The following ZNF385D variants were observed in gnomAD, a reference collection of about 807,000 sequenced individuals.
ZNF385D encodes the protein zinc finger protein 659.
A neutral mutation model predicts 35.8 loss-of-function variants in ZNF385D; 15 were observed. That is an observed-to-expected ratio of 0.42 (90% CI 0.28 to 0.64). ZNF385D has a LOEUF of 0.64. Ranked by LOEUF, ZNF385D falls within the 30% of genes least tolerant of loss-of-function variation. The probability of loss-of-function intolerance (pLI) is 0.23; values close to 1 mark genes in which losing one functional copy is unlikely to be tolerated. For synonymous variants in ZNF385D, 212 were observed against 186.8 expected, an observed-to-expected ratio of 1.13 and a Z score of -1.10; for missense variants, 474 against 494.6, an observed-to-expected ratio of 0.96 and a Z score of 0.39.
intron 4 of ZNF385D, among the ~76,000 whole-genome samples, chr3:21,466,986 A>G (rs1364003618): frequency 1.3e-5 from 2 of 152,144 alleles, no homozygotes; most frequent in Non-Finnish European, 2.9e-5. Flanking sequence ...TCCTTAGTCT[A>G]TGCTCCTGCC....
At chr3:21,609,410 A>G (rs1256038393) in intron 2 of ZNF385D, among the ~76,000 whole-genome samples, 4 of 152,264 alleles carry the variant, frequency 2.6e-5, no homozygotes, top group Admixed American at 6.5e-5. Context: ...ATAATAATCT[A>G]TTAGCAAGCC....
At chr3:22,234,255 C>G (rs577900929) in intron 2 of ZNF385D, among the ~76,000 whole-genome samples, 11 of 152,076 alleles carry the variant, frequency 7.2e-5, no homozygotes, top group Non-Finnish European at 1.5e-4. Flanking sequence ...TTCATCTCCT[C>G]AATGTATTTT....
At chr3:22,008,285 G>C (rs1258818420) in intron 3 of ZNF385D, among the ~76,000 whole-genome samples, 1 of 151,180 alleles carries the variant, frequency 6.6e-6, no homozygotes, top group East Asian at 1.9e-4. Context: ...CTAGGGTTTT[G>C]TGAAAAATAC....
chr3:22,366,164 A>C (rs1696648028), intron 2 of ZNF385D, among the ~76,000 whole-genome samples: 1 of 152,044 alleles, frequency 6.6e-6, no homozygotes, highest in East Asian at 1.9e-4. Context: ...TCTTTGGCAT[A>C]GTTTCTTATC....
rs1289422522 is a variant in ZNF385D at position 22,050,920 on chromosome 3, A to G, written c.325+117897T>C. Reference sequence around the variant, plus strand: ...GCTGAGGAGAGCTTTACTTCCAACTATGTGGTCAATTTTGGAATAGGTGTG... The same window carrying G: ...GCTGAGGAGAGCTTTACTTCCAACTGTGTGGTCAATTTTGGAATAGGTGTG... On this transcript the variant is annotated intron_variant, in intron 3 of 5. Coordinates refer to the ZNF385D transcript ENST00000494108. Among the ~76,000 whole-genome samples the G allele has an allele frequency of 1.2e-4, 3 of 25,294 alleles. 1 individual carries two copies. In the Admixed American group the frequency reaches 1.4e-3, roughly 12 times the overall value. 16.6% of individuals were successfully genotyped at this position (25,294 alleles called of 152,430 possible). A position where few individuals can be genotyped will look rare whatever the true frequency, so the allele number is the denominator to read the frequency against.
chr3:22,122,318 T>C (rs1487303778), intron 3 of ZNF385D, among the ~76,000 whole-genome samples: 2 of 152,148 alleles, frequency 1.3e-5, no homozygotes, highest in Non-Finnish European at 2.9e-5. Context: ...ATTTTTACCC[T>C]AAAAAATTGT....
intron 3 of ZNF385D, among the ~76,000 whole-genome samples, chr3:22,086,315 G>A (rs943112498): frequency 4.6e-5 from 7 of 152,192 alleles, no homozygotes; most frequent in Non-Finnish European, 7.3e-5. Flanking sequence ...CATAGTCTCA[G>A]CCCAAATTCT....
chr3:21,470,711 CTTCAGGCAGA>C (rs1703828017), intron 4 of ZNF385D, among the ~76,000 whole-genome samples: 1 of 152,038 alleles, frequency 6.6e-6, no homozygotes, highest in African/African-American at 2.4e-5. Context: ...GGAAAACTTC[CTTCAGGCAGA>C]CGTGTCCTCT....
intron 1 of ZNF385D, among the ~76,000 whole-genome samples, chr3:21,718,171 T>C (rs558272299): frequency 1.6e-4 from 24 of 152,354 alleles, no homozygotes; most frequent in Non-Finnish European, 8.8e-5. Flanking sequence ...CATGATGTAT[T>C]TCAGAAGTAA....
rs559388215 is a variant in ZNF385D, at chr3:21,688,938, A to G, written c.23-23910T>C. On this transcript the variant is annotated intron_variant, in intron 1 of 7. Transcript: ENST00000281523. ...TACTACAATATATATGGAGAGAGACAGTCCTTAACCAAGAAGATTGCCGTC... is the reference window on the plus strand; with the variant it reads ...TACTACAATATATATGGAGAGAGACGGTCCTTAACCAAGAAGATTGCCGTC... Among the ~76,000 whole-genome samples, 10 of 152,274 alleles carry G rather than the reference A, an allele frequency of 6.6e-5. No individual in the cohort carries two copies. In the South Asian group the frequency reaches 2.1e-3, roughly 32 times the overall value.
At chr3:22,030,281 A>ACATATATATATATATATGTATG (rs1559316527) in intron 3 of ZNF385D, among the ~76,000 whole-genome samples, 5 of 103,990 alleles carry the variant, frequency 4.8e-5, no homozygotes, top group African/African-American at 8.9e-5. Context: ...ATATATATAT[A>ACATATATATATATATATGTATG]TATATATATA....
intron 1 of ZNF385D, among the ~76,000 whole-genome samples, chr3:21,698,845 A>G (rs371065194): frequency 6.6e-6 from 1 of 152,166 alleles, no homozygotes; most frequent in Non-Finnish European, 1.5e-5. Flanking sequence ...GAAACAACAG[A>G]TGCTGGAGAG....
intron 1 of ZNF385D, among the ~76,000 whole-genome samples, chr3:21,739,851 T>C (rs1469934293): frequency 2.0e-5 from 3 of 152,220 alleles, no homozygotes; most frequent in African/African-American, 4.8e-5. Flanking sequence ...AAAGTGAACC[T>C]GGTGACAGTG....
At position 21,766,502 on chromosome 3, in the gene ZNF385D, T is replaced by C. The variant is rs115585586; in HGVS notation, c.326-101474A>G. 1.0e-2 allele frequency among the ~76,000 whole-genome samples: 1,522 copies of C among 152,214 alleles called. 25 individuals carry two copies. Among genetic ancestry groups the C allele is most frequent in the African/African-American group, 0.034 (1,430 of 41,554 alleles). On this transcript the variant is annotated intron_variant, in intron 3 of 5. Transcript: ENST00000494108. ...TTGAGGAAAGAGTACGATCATGCCATAGCAATGTGGACTCACTGATTTTGT... is the reference window on the plus strand; with the variant it reads ...TTGAGGAAAGAGTACGATCATGCCACAGCAATGTGGACTCACTGATTTTGT...
intron 3 of ZNF385D, among the ~76,000 whole-genome samples, chr3:21,824,781 T>C (rs376309448): frequency 3.3e-5 from 5 of 152,192 alleles, no homozygotes; most frequent in African/African-American, 1.2e-4. Flanking sequence ...AATATTTTGA[T>C]AAATATTTTA....
intron 3 of ZNF385D, among the ~76,000 whole-genome samples, chr3:22,114,642 G>C (rs1326770291): frequency 2.0e-5 from 3 of 152,086 alleles, no homozygotes; most frequent in African/African-American, 7.2e-5. Flanking sequence ...AAGACAATTT[G>C]TGTGGATTAT....
intron 1 of ZNF385D, among the ~76,000 whole-genome samples, chr3:21,733,274 C>T (rs2069099302): frequency 6.6e-6 from 1 of 152,028 alleles, no homozygotes; most frequent in Admixed American, 6.6e-5. Context: ...ACCACAATAT[C>T]TTGATTATTG....
chr3:22,151,889 T>C (rs1705263017), intron 3 of ZNF385D, among the ~76,000 whole-genome samples: 1 of 152,152 alleles, frequency 6.6e-6, no homozygotes, highest in Admixed American at 6.6e-5. Flanking sequence ...GGGGTACATG[T>C]GCAGGTTATA....
chr3:21,785,211 T>C (rs1482111636), intron 3 of ZNF385D, among the ~76,000 whole-genome samples: 1 of 152,174 alleles, frequency 6.6e-6, no homozygotes, highest in Non-Finnish European at 1.5e-5. Context: ...CGGTGGTATA[T>C]CTGAGCCCCA....
Sources: allele counts gnomAD v4.1 joint callset (sites outside exome capture counted in the v4.1 genomes callset), GRCh38; gene constraint gnomAD v4.1.1; transcripts MANE v1.5; gene names NCBI Gene and HGNC (gene_info 2026-07-23, HGNC 2026-07-21).